The following ATP6V1A variants were observed in gnomAD, a reference collection of about 807,000 sequenced individuals.
ATP6V1A encodes ATPase H+ transporting V1 subunit A.
A neutral mutation model predicts 70.1 loss-of-function variants in ATP6V1A; 18 were observed. The observed-to-expected ratio is 0.26, with a 90% CI of 0.18 to 0.38. The LOEUF is 0.38. ATP6V1A is among the 10% of genes least tolerant of loss of function. The pLI is 1.00. For missense variants in ATP6V1A, 424 were observed against 772.4 expected, an observed-to-expected ratio of 0.55 and a Z score of 5.35; for synonymous variants, 232 against 253.8, an observed-to-expected ratio of 0.91 and a Z score of 0.82.
chr3:113,795,315 A>C, intron 10 of ATP6V1A, 111 bp downstream of exon 10: 1 of 1,193,108 alleles, frequency 8.4e-7, no homozygotes. Flanking sequence ...CGCTGGGAGC[A>C]GCGGTTCTTA....
chr3:113,799,709 T>G (rs1324352987), intron 12 of ATP6V1A, among the ~76,000 whole-genome samples: 2 of 152,200 alleles, frequency 1.3e-5, no homozygotes, highest in Non-Finnish European at 2.9e-5. Context: ...TGGGGTGTTA[T>G]GATTCAAGAT....
At chr3:113,771,848 A>G (rs1051542414) in intron 1 of ATP6V1A, among the ~76,000 whole-genome samples, 8 of 152,202 alleles carry the variant, frequency 5.3e-5, no homozygotes, top group Non-Finnish European at 8.8e-5. Context: ...GAAGTAGAGT[A>G]TAAAACTTGT....
chr3:113,773,073 G>T (rs1424432196), intron 1 of ATP6V1A, among the ~76,000 whole-genome samples: 2 of 150,188 alleles, frequency 1.3e-5, no homozygotes, highest in Non-Finnish European at 3.0e-5. Context: ...GAGTAGTTGG[G>T]ATTACAGGTG....
chr3:113,771,558 C>G (rs1045638347), intron 1 of ATP6V1A, among the ~76,000 whole-genome samples: 6 of 151,282 alleles, frequency 4.0e-5, no homozygotes, highest in Admixed American at 3.3e-4. Flanking sequence ...CTGCCTCAGC[C>G]TCCTGAATAG....
chr3:113,788,708 T>C lies in ATP6V1A; in HGVS notation c.717-5T>C. ...AGTAATCCATACTTTGTTTTCTTTG[T>C]TTAGGTGTGTCCAGGGAGGAACTAC... On this transcript the variant is annotated splice_polypyrimidine_tract_variant and splice_region_variant and intron_variant, in intron 6 of 14. Transcript: ENST00000273398. The C allele has an allele frequency of 3.7e-6, 6 of 1,609,270 alleles. No homozygotes were observed. The highest frequency in any genetic ancestry group is 5.1e-6 in the Non-Finnish European group (6 of 1,178,638).
chr3:113,789,396 C>T (rs549129474), intron 7 of ATP6V1A, among the ~76,000 whole-genome samples: 2 of 152,096 alleles, frequency 1.3e-5, no homozygotes, highest in African/African-American at 4.8e-5. Context: ...TTTTTATGGT[C>T]TGGTGGTTTT....
At chr3:113,761,234 A>T (rs1385254059) in intron 1 of ATP6V1A, among the ~76,000 whole-genome samples, 1 of 151,816 alleles carries the variant, frequency 6.6e-6, no homozygotes, top group Non-Finnish European at 1.5e-5. Flanking sequence ...GAGCCACCGT[A>T]CCTAGACAGC....
intron 1 of ATP6V1A, among the ~76,000 whole-genome samples, chr3:113,766,193 G>GT (rs1427187684): frequency 6.6e-6 from 1 of 152,160 alleles, no homozygotes; most frequent in African/African-American, 2.4e-5. Flanking sequence ...TATAGATCCT[G>GT]TGTCTGGTCA....
intron 3 of ATP6V1A, among the ~76,000 whole-genome samples, chr3:113,781,957 G>T (rs939453817): frequency 6.6e-6 from 1 of 152,208 alleles, no homozygotes; most frequent in African/African-American, 2.4e-5. Context: ...TTACTATTTG[G>T]TTATCATAAT....
At chr3:113,758,409 C>T (rs1017009568) in intron 1 of ATP6V1A, among the ~76,000 whole-genome samples, 4 of 152,182 alleles carry the variant, frequency 2.6e-5, no homozygotes, top group Non-Finnish European at 5.9e-5. Flanking sequence ...TTCTTTGTTC[C>T]TCTTTTTAAT....
intron 2 of ATP6V1A, 158 bp from the exon 3 acceptor site, chr3:113,780,892 A>G: frequency 3.9e-6 from 5 of 1,277,846 alleles, no homozygotes; most frequent in South Asian, 1.5e-5. Flanking sequence ...ATATATATCT[A>G]TGTGAAACTA....
intron 11 of ATP6V1A, among the ~76,000 whole-genome samples, chr3:113,797,522 C>T (rs923022498): frequency 6.6e-6 from 1 of 152,098 alleles, no homozygotes; most frequent in Non-Finnish European, 1.5e-5. Context: ...TCCCAGAGTG[C>T]TAGGATTACA....
chr3:113,778,995 T>C (rs1027219267), intron 2 of ATP6V1A, 160 bp downstream of exon 2: 1 of 440,840 alleles, frequency 2.3e-6, no homozygotes. Flanking sequence ...GTAGAATCTC[T>C]GTCATAAGGG....
In ATP6V1A at chr3:113,807,924, A is replaced by G. The variant is rs1159187841; in HGVS notation, c.1762-1411A>G. Among the ~76,000 whole-genome samples the G allele has an allele frequency of 2.6e-5, 4 of 152,002 alleles. 1 individual carries two copies. The South Asian group carries it at 8.3e-4, about 32-fold the overall frequency. ...CGAGGCGGGTGGATCACCTGAGGTC[A>G]GTTCTAGACCAGCCTGACCAACATG... is the stretch of plus-strand genomic sequence containing the variant. On this transcript the variant is annotated intron_variant, in intron 14 of 14. Coordinates refer to ENST00000273398, the MANE Select transcript of ATP6V1A (RefSeq NM_001690.4).
chr3:113,804,616 C>T (rs1709254455), intron 13 of ATP6V1A, among the ~76,000 whole-genome samples: 1 of 152,110 alleles, frequency 6.6e-6, no homozygotes, highest in South Asian at 2.1e-4. Flanking sequence ...GTAGGGCAAG[C>T]AGTAAATATG....
intron 1 of ATP6V1A, among the ~76,000 whole-genome samples, chr3:113,769,109 C>T (rs1003109043): frequency 1.3e-5 from 2 of 152,112 alleles, no homozygotes; most frequent in Non-Finnish European, 2.9e-5. Flanking sequence ...AATAAATCTG[C>T]CACATAAGCC....
chr3:113,790,812 AT>A (rs1361683680), intron 8 of ATP6V1A, among the ~76,000 whole-genome samples: 2 of 151,842 alleles, frequency 1.3e-5, no homozygotes, highest in African/African-American at 4.8e-5. Context: ...TCATAAATTT[AT>A]TTTTTTTCTA....
intron 14 of ATP6V1A, among the ~76,000 whole-genome samples, chr3:113,806,618 C>T (rs980183599): frequency 6.6e-6 from 1 of 152,092 alleles, no homozygotes; most frequent in Non-Finnish European, 1.5e-5. Flanking sequence ...GCCACCACGC[C>T]CAGCTAATTT....
At chr3:113,809,095 GA>G (rs140365108) in intron 14 of ATP6V1A, among the ~76,000 whole-genome samples, 8 of 149,588 alleles carry the variant, frequency 5.3e-5, no homozygotes, top group Admixed American at 4.0e-4. Context: ...CTAAAAATAT[GA>G]AAAAAAAAAT....
Sources: gnomAD v4.1 joint callset for allele counts (sites outside exome capture counted in the v4.1 genomes callset) on GRCh38, gnomAD v4.1.1 for gene constraint, MANE v1.5 for transcripts, NCBI Gene and HGNC (gene_info 2026-07-23, HGNC 2026-07-21) for gene names.